The following MAMDC2 variants were observed in gnomAD, a reference collection of about 807,000 sequenced individuals.
MAMDC2 encodes MAM domain-containing protein 2.
MAMDC2 carries 57 observed loss-of-function variants against 89.8 expected under a neutral mutation model. The observed-to-expected ratio is 0.63, with a 90% CI of 0.51 to 0.79. The LOEUF is 0.79. Among genes scored for constraint, MAMDC2 ranks in the 30% least tolerant of loss-of-function variants. The pLI, the probability that MAMDC2 is intolerant of heterozygous loss-of-function variation, is 0.00. For synonymous variants in MAMDC2, 313 were observed against 293.4 expected (o/e 1.07, Z -0.68); for missense variants, 800 against 820.6 (o/e 0.97, Z 0.31).
At chr9:70,147,546 TA>T (rs1313229302) in intron 9 of MAMDC2, among the ~76,000 whole-genome samples, 2 of 150,162 alleles carry the variant, frequency 1.3e-5, no homozygotes. Flanking sequence ...CTAAACCATT[TA>T]TTTTTGGATC....
intron 12 of MAMDC2, among the ~76,000 whole-genome samples, chr9:70,224,468 C>T (rs927839316): frequency 4.6e-5 from 7 of 152,134 alleles, no homozygotes; most frequent in Non-Finnish European, 8.8e-5. Flanking sequence ...AGCCAAAGGC[C>T]TGAGAACCTA....
intron 2 of MAMDC2, among the ~76,000 whole-genome samples, chr9:70,091,908 T>C (rs1247521244): frequency 6.6e-6 from 1 of 152,246 alleles, no homozygotes; most frequent in Non-Finnish European, 1.5e-5. Context: ...CTTAGGCACA[T>C]AGTCATACAT....
rs1388035508 is a variant in MAMDC2 at position 70,171,636 on chromosome 9, A to T, written c.1651+1005A>T. Among the ~76,000 whole-genome samples the T allele has an allele frequency of 2.6e-5, 4 of 152,332 alleles. No individual in the cohort carries two copies. The South Asian group carries it at 8.3e-4, about 32-fold the overall frequency. ...AGAAGCAGAACTACCCCTGATACTA[A>T]GCTCATAGAGATATTTCCTCATGAA... On this transcript the variant is annotated intron_variant, in intron 11 of 13. Coordinates refer to ENST00000377182, the MANE Select transcript of MAMDC2 (RefSeq NM_153267.5).
At chr9:70,152,881 A>G (rs2031628072) in intron 9 of MAMDC2, among the ~76,000 whole-genome samples, 1 of 152,154 alleles carries the variant, frequency 6.6e-6, no homozygotes, top group South Asian at 2.1e-4. Context: ...CTTAGCATAT[A>G]AAGTTCTTAG....
At chr9:70,057,326 G>T (rs546081369) in intron 2 of MAMDC2, among the ~76,000 whole-genome samples, 1 of 152,292 alleles carries the variant, frequency 6.6e-6, no homozygotes, top group South Asian at 2.1e-4. Flanking sequence ...TTTGATCCAA[G>T]TGGCCCTCTT....
intron 2 of MAMDC2, among the ~76,000 whole-genome samples, chr9:70,056,418 A>C (rs1827025785): frequency 6.6e-6 from 1 of 152,218 alleles, no homozygotes; most frequent in East Asian, 1.9e-4. Flanking sequence ...TGTTGTTTCT[A>C]AAAATCTTTT....
chr9:70,220,610 T>G (rs2033536865), intron 12 of MAMDC2, among the ~76,000 whole-genome samples: 1 of 152,252 alleles, frequency 6.6e-6, no homozygotes, highest in Non-Finnish European at 1.5e-5. Flanking sequence ...TTCTTTCAAC[T>G]GATCCTATTT....
intron 8 of MAMDC2, among the ~76,000 whole-genome samples, chr9:70,141,179 T>C (rs1195245031): frequency 2.0e-5 from 3 of 152,200 alleles, no homozygotes; most frequent in Non-Finnish European, 4.4e-5. Flanking sequence ...ATTCTTTTCT[T>C]AGAGGTTGCC....
At chr9:70,216,416 G>T (rs1387170389) in intron 11 of MAMDC2, 2 of 150,718 alleles carry the variant, frequency 1.3e-5, no homozygotes, top group Non-Finnish European at 3.0e-5. Context: ...TTCTTGGTGT[G>T]TGCGCCTGAA....
chr9:70,149,980 T>G (rs2031533530), intron 9 of MAMDC2, among the ~76,000 whole-genome samples: 1 of 152,160 alleles, frequency 6.6e-6, no homozygotes, highest in Non-Finnish European at 1.5e-5. Context: ...GAGACGTTCC[T>G]GTGACCATAC....
chr9:70,130,292 G>C (rs1167638364), intron 6 of MAMDC2, among the ~76,000 whole-genome samples: 5 of 152,094 alleles, frequency 3.3e-5, no homozygotes, highest in African/African-American at 1.2e-4. Flanking sequence ...AATTGATGAG[G>C]CTGAGTGACA....
chr9:70,085,309 C>T (rs1445013931), intron 2 of MAMDC2, among the ~76,000 whole-genome samples: 1 of 151,972 alleles, frequency 6.6e-6, no homozygotes, highest in Non-Finnish European at 1.5e-5. Context: ...TAACTTGTTC[C>T]CCTAGGCTCC....
Position 70,226,365 on chromosome 9 carries a change from T to A in MAMDC2, c.*333T>A, listed in dbSNP as rs1470193618. On this transcript the variant is annotated 3_prime_UTR_variant, in exon 14 of 14. Coordinates refer to ENST00000377182, the MANE Select transcript of MAMDC2 (RefSeq NM_153267.5). ...TCAAAATGAGATGCACTCATTTAAA[T>A]CTGCATTCAGTGAATGTATTGGGAG... is the stretch of plus-strand genomic sequence containing the variant. The A allele has an allele frequency of 6.2e-6, 1 of 162,016 alleles. No homozygotes were observed. The highest frequency in any genetic ancestry group is 1.3e-5 in the Non-Finnish European group (1 of 74,566). The allele number at this position is 162,016 out of a possible 1,614,324, so 10.0% of individuals were successfully genotyped here.
chr9:70,044,350 C>G lies in MAMDC2; in HGVS notation c.34+119C>G, dbSNP rs1021222267. 11 of 1,160,694 alleles carry G rather than the reference C, an allele frequency of 9.5e-6. No homozygotes were observed. The African/African-American group carries it at 1.5e-4, about 16-fold the overall frequency. 71.9% of individuals were successfully genotyped at this position (1,160,694 alleles called of 1,614,324 possible). The stretch of plus-strand genomic sequence containing the variant: ...GGGCCATCCGAGGGCGCCTCCTGAT[C>G]CTCCGCAGCCGCTAACTCCCTCCCC... On this transcript the variant is annotated intron_variant, in intron 1 of 13. Transcript: ENST00000377182.
At chr9:70,174,763 C>T (rs1322635523) in intron 11 of MAMDC2, among the ~76,000 whole-genome samples, 3 of 146,440 alleles carry the variant, frequency 2.0e-5, no homozygotes, top group East Asian at 4.0e-4. Context: ...CTTGCTGTGT[C>T]GCCCAGGCTG....
intron 2 of MAMDC2, among the ~76,000 whole-genome samples, chr9:70,062,222 A>G (rs1426255927): frequency 6.6e-6 from 1 of 151,838 alleles, no homozygotes; most frequent in African/African-American, 2.4e-5. Flanking sequence ...TTTTGGAAGG[A>G]TACACTTGGA....
chr9:70,129,476 A>C (rs967312543), intron 6 of MAMDC2, among the ~76,000 whole-genome samples: 4 of 152,168 alleles, frequency 2.6e-5, no homozygotes, highest in African/African-American at 7.2e-5. Context: ...AGACTAATAC[A>C]GTGATATATC....
chr9:70,165,661 T>C (rs923681739), intron 9 of MAMDC2, among the ~76,000 whole-genome samples: 3 of 152,220 alleles, frequency 2.0e-5, no homozygotes, highest in Non-Finnish European at 2.9e-5. Flanking sequence ...ACGAAGTATT[T>C]GGAATATCCA....
In MAMDC2 at chr9:70,199,429, T is replaced by C. The variant is rs867797702; in HGVS notation, c.1652-18908T>C. On this transcript the variant is annotated intron_variant, in intron 11 of 13. Coordinates refer to ENST00000377182, the MANE Select transcript of MAMDC2 (RefSeq NM_153267.5). ...TATTCCATGGTGTATATGTGCCACA[T>C]TTTCTTAATCCAGTCTATCATTGTT... Among the ~76,000 whole-genome samples the C allele has an allele frequency of 5.0e-3, 738 of 148,726 alleles. 6 individuals carry two copies. Among genetic ancestry groups the C allele is most frequent in the African/African-American group, 0.018 (709 of 40,514 alleles).
Sources: gnomAD v4.1 joint callset for allele counts (sites outside exome capture counted in the v4.1 genomes callset) on GRCh38, gnomAD v4.1.1 for gene constraint, MANE v1.5 for transcripts, NCBI Gene and HGNC (gene_info 2026-07-23, HGNC 2026-07-21) for gene names.